DNAJC10: variants seen among roughly 807,000 people sequenced by gnomAD.
DNAJC10 encodes DnaJ heat shock protein family (Hsp40) member C10.
Under a neutral mutation model 115.0 loss-of-function variants are expected in DNAJC10, and 101 were observed. The ratio of observed to expected loss-of-function variants is 0.88; its 90% confidence interval spans 0.75 to 1.04. The LOEUF is 1.04. DNAJC10 is among the 50% of genes least tolerant of loss of function. DNAJC10 has a pLI of 0.00. For synonymous variants in DNAJC10, 307 were observed against 301.5 expected (o/e 1.02, Z -0.19); for missense variants, 981 against 928.8 (o/e 1.06, Z -0.73).
intron 15 of DNAJC10, 34 bp downstream of exon 15, chr2:182,751,819 G>A (rs1694028541): frequency 6.2e-7 from 1 of 1,601,254 alleles, no homozygotes; most frequent in Non-Finnish European, 8.5e-7. Context: ...TTCTAACATT[G>A]TCAGATCTTC....
intron 5 of DNAJC10, among the ~76,000 whole-genome samples, chr2:182,726,962 TCCTCCTGTC>T (rs774720572): frequency 6.6e-6 from 1 of 152,012 alleles, no homozygotes. Context: ...GCTCAAGTGA[TCCTCCTGTC>T]TCAGCCTCCC....
Position 182,718,009 on chromosome 2 carries a change from A to T in DNAJC10, c.-78A>T, listed in dbSNP as rs986477307. ...TGAAGTAATGTAGACAGAAGTTCTC[A>T]AATTTGCATATTACATCAACTGGAA... On this transcript the variant is annotated 5_prime_UTR_variant, in exon 3 of 24. Coordinates refer to ENST00000264065, the MANE Select transcript of DNAJC10 (RefSeq NM_018981.4). 3 of 1,097,736 alleles carry T rather than the reference A, an allele frequency of 2.7e-6. No homozygotes were observed. The highest frequency in any genetic ancestry group is 3.9e-6 in the Non-Finnish European group (3 of 770,126). 68.0% of individuals were successfully genotyped at this position (1,097,736 alleles called of 1,614,324 possible). A position where few individuals can be genotyped will look rare whatever the true frequency, so the allele number is the denominator to read the frequency against.
rs1483013323 is a variant in DNAJC10 at position 182,789,799 on chromosome 2, A to T, written c.*12667A>T. 6.6e-6 allele frequency: 1 copy of T among 152,182 alleles called. No homozygotes were observed. The highest frequency in any genetic ancestry group is 1.5e-5 in the Non-Finnish European group (1 of 68,038). The allele number at this position is 152,182 out of a possible 1,614,324, so 9.4% of individuals were successfully genotyped here. A position where few individuals can be genotyped will look rare whatever the true frequency, so the allele number is the denominator to read the frequency against. ...TTTTACATTCCCACCAATAGTGCAC[A>T]AGAGTTCTGATTTTTCCACATCCTC... On this transcript the variant is annotated 3_prime_UTR_variant, in exon 24 of 24. Coordinates refer to ENST00000264065, the MANE Select transcript of DNAJC10 (RefSeq NM_018981.4).
intron 5 of DNAJC10, among the ~76,000 whole-genome samples, 189 bp downstream of exon 5, chr2:182,722,264 A>G (rs771236514): frequency 2.0e-5 from 3 of 152,166 alleles, no homozygotes; most frequent in African/African-American, 4.8e-5. Context: ...ATTAATATTT[A>G]TGTAGCAAAA....
At chr2:182,756,928 C>T (rs189412223) in intron 18 of DNAJC10, among the ~76,000 whole-genome samples, 9 of 152,226 alleles carry the variant, frequency 5.9e-5, no homozygotes, top group Admixed American at 3.9e-4. Context: ...CATGAGCCTC[C>T]GTGCCCAGTA....
In DNAJC10 at chr2:182,792,728, G is replaced by T. The variant is rs1695074057; in HGVS notation, c.*15596G>T. On this transcript the variant is annotated 3_prime_UTR_variant, in exon 24 of 24. Coordinates refer to ENST00000264065, the MANE Select transcript of DNAJC10 (RefSeq NM_018981.4). Reference sequence around the variant, plus strand: ...AATCCTCCTTGTCATCTTTCCTTTGGCCTTCCTGAATAGAAATCATTTATG... The same window carrying T: ...AATCCTCCTTGTCATCTTTCCTTTGTCCTTCCTGAATAGAAATCATTTATG... The T allele has an allele frequency of 6.6e-6, 1 of 152,114 alleles. No homozygotes were observed. The highest frequency in any genetic ancestry group is 6.5e-5 in the Admixed American group (1 of 15,278). 9.4% of individuals were successfully genotyped at this position (152,114 alleles called of 1,614,324 possible).
chr2:182,740,310 A>T lies in DNAJC10; in HGVS notation c.999A>T (p.Ser333=). Residue 333 remains serine, a synonymous_variant, in exon 12 of 24, where the codon TCA becomes TCT. Coordinates refer to ENST00000264065, the MANE Select transcript of DNAJC10 (RefSeq NM_018981.4). The part of the protein sequence containing the change: ...KEKNSILFLN[S]LDAKEIYLEV... The stretch of plus-strand genomic sequence containing the variant: ...TTTTCTTTTTCTAGTTTCTCAACTC[A>T]TTGGATGCTAAAGAAATATATTTGG... 1 of 1,482,400 alleles carries T rather than the reference A, an allele frequency of 6.7e-7. No homozygotes were observed. The highest frequency in any genetic ancestry group is 1.3e-5 in the South Asian group (1 of 74,096). 91.8% of individuals were successfully genotyped at this position (1,482,400 alleles called of 1,614,324 possible). A position where few individuals can be genotyped will look rare whatever the true frequency, so the allele number is the denominator to read the frequency against.
At position 182,740,413 on chromosome 2, in the gene DNAJC10, A is replaced by G. The variant is rs763977649; in HGVS notation, c.1077+25A>G. The G allele has an allele frequency of 1.0e-5, 16 of 1,544,206 alleles. No individual in the cohort carries two copies. The Admixed American group carries it at 3.3e-4, about 32-fold the overall frequency. ...GGTAATGTTTTTATTAATAATGATA[A>G]GTAGCAATGAATGTTCGTAACATTT... On this transcript the variant is annotated intron_variant, in intron 12 of 23. Coordinates refer to ENST00000264065, the MANE Select transcript of DNAJC10 (RefSeq NM_018981.4).
chr2:182,785,704 A>G lies in DNAJC10; in HGVS notation c.*8572A>G, dbSNP rs1694933839. The G allele has an allele frequency of 6.6e-6, 1 of 152,290 alleles. No individual in the cohort carries two copies. The highest frequency in any genetic ancestry group is 2.4e-5 in the African/African-American group (1 of 41,576). The allele number at this position is 152,290 out of a possible 1,614,324, so 9.4% of individuals were successfully genotyped here. A position where few individuals can be genotyped will look rare whatever the true frequency, so the allele number is the denominator to read the frequency against. On this transcript the variant is annotated 3_prime_UTR_variant, in exon 24 of 24. Transcript: ENST00000264065. ...AAAAAGAAAAAGAGGCTTTTCAGTC[A>G]TGAGCCAAATGCAGTATGTGGGCTA...
chr2:182,716,862 C>G (rs1350646386), intron 1 of DNAJC10, among the ~76,000 whole-genome samples, 154 bp from the exon 2 acceptor site: 1 of 152,200 alleles, frequency 6.6e-6, no homozygotes, highest in Non-Finnish European at 1.5e-5. Flanking sequence ...TAGCTCGGGC[C>G]ACGGGCAGTT....
At chr2:182,726,892 C>T (rs1284851447) in intron 5 of DNAJC10, among the ~76,000 whole-genome samples, 3 of 142,388 alleles carry the variant, frequency 2.1e-5, no homozygotes, top group Non-Finnish European at 4.4e-5. Context: ...CCACCATGTC[C>T]AGCTATTTTT....
chr2:182,722,380 T>G (rs139595888), intron 5 of DNAJC10, among the ~76,000 whole-genome samples: 1 of 152,124 alleles, frequency 6.6e-6, no homozygotes, highest in Non-Finnish European at 1.5e-5. Flanking sequence ...TCTCAGAGCT[T>G]TTTGATTTTA....
chr2:182,744,456 A>T (rs765031744), intron 14 of DNAJC10, among the ~76,000 whole-genome samples: 6 of 152,220 alleles, frequency 3.9e-5, no homozygotes, highest in African/African-American at 1.4e-4. Flanking sequence ...GTCATTGTAT[A>T]TTAATGACAA....
rs1694861687 is a variant in DNAJC10 at position 182,782,132 on chromosome 2, A to T, written c.*5000A>T. 1 of 152,152 alleles carries T rather than the reference A, an allele frequency of 6.6e-6. No homozygotes were observed. The highest frequency in any genetic ancestry group is 2.4e-5 in the African/African-American group (1 of 41,442). 9.4% of individuals were successfully genotyped at this position (152,152 alleles called of 1,614,324 possible). A position where few individuals can be genotyped will look rare whatever the true frequency, so the allele number is the denominator to read the frequency against. On this transcript the variant is annotated 3_prime_UTR_variant, in exon 24 of 24. Transcript: ENST00000264065. ...CAACTTAATTTTTATATAAGGTGTAAGGAAGGGGTCCCAGTTTCAGTTTTC... is the reference window on the plus strand; with the variant it reads ...CAACTTAATTTTTATATAAGGTGTATGGAAGGGGTCCCAGTTTCAGTTTTC...
intron 11 of DNAJC10, 97 bp downstream of exon 11, chr2:182,736,483 A>G (rs1693588190): frequency 1.9e-5 from 16 of 852,872 alleles, no homozygotes; most frequent in Non-Finnish European, 2.6e-5. Context: ...AGAAATGAAC[A>G]ATTTATATTG....
intron 12 of DNAJC10, among the ~76,000 whole-genome samples, chr2:182,740,716 T>G (rs1693711541): frequency 6.6e-6 from 1 of 152,190 alleles, no homozygotes; most frequent in African/African-American, 2.4e-5. Context: ...ATTATATTGA[T>G]TACTAAGAAG....
At chr2:182,740,700 G>C (rs1465101952) in intron 12 of DNAJC10, among the ~76,000 whole-genome samples, 2 of 152,140 alleles carry the variant, frequency 1.3e-5, no homozygotes, top group African/African-American at 4.8e-5. Context: ...CTTGCTTACA[G>C]AACGGATTAT....
intron 12 of DNAJC10, among the ~76,000 whole-genome samples, chr2:182,740,914 C>T (rs1199615103): frequency 2.6e-5 from 4 of 152,074 alleles, no homozygotes; most frequent in Non-Finnish European, 4.4e-5. Flanking sequence ...TGTATCACTA[C>T]GAGATCTTAT....
chr2:182,764,655 C>A (rs1189641879), intron 22 of DNAJC10, among the ~76,000 whole-genome samples: 1 of 151,930 alleles, frequency 6.6e-6, no homozygotes, highest in Non-Finnish European at 1.5e-5. Context: ...GAACACCTTG[C>A]CGAAACAAAA....
Sources: allele counts gnomAD v4.1 joint callset (sites outside exome capture counted in the v4.1 genomes callset), GRCh38; gene constraint gnomAD v4.1.1; transcripts MANE v1.5; gene names NCBI Gene and HGNC (gene_info 2026-07-23, HGNC 2026-07-21).